NDRG1: variants seen among roughly 807,000 people sequenced by gnomAD.
NDRG1 encodes N-myc downstream regulated 1, also known as protein NDRG1.
A neutral mutation model predicts 56.9 loss-of-function variants in NDRG1; 32 were observed. The observed-to-expected ratio is 0.56, with a 90% CI of 0.42 to 0.76. The LOEUF is 0.76. Among genes scored for constraint, NDRG1 ranks in the 30% least tolerant of loss-of-function variants. The pLI, the probability that NDRG1 is intolerant of heterozygous loss-of-function variation, is 0.00. For synonymous variants in NDRG1, 211 were observed against 204.1 expected (o/e 1.03, Z -0.29); for missense variants, 507 against 545.7 (o/e 0.93, Z 0.71).
chr8:133,250,906 CTT>C (rs1855984388), intron 9 of NDRG1, among the ~76,000 whole-genome samples: 1 of 114,846 alleles, frequency 8.7e-6, no homozygotes, highest in Middle Eastern at 4.4e-3. Context: ...CCTCAGATCT[CTT>C]AAAAAAAAAA....
chr8:133,261,516 C>T (rs908884815), intron 5 of NDRG1, among the ~76,000 whole-genome samples: 1 of 152,214 alleles, frequency 6.6e-6, no homozygotes, highest in Non-Finnish European at 1.5e-5. Flanking sequence ...ACAGCAGCCA[C>T]ACAGAGCTAG....
At chr8:133,255,248 T>C in intron 8 of NDRG1, 1 of 456,108 alleles carries the variant, frequency 2.2e-6, no homozygotes, top group South Asian at 1.5e-5. Context: ...CCTAGCTGTG[T>C]GGCACTGGGC....
chr8:133,245,192 C>G (rs2130679916), intron 13 of NDRG1, among the ~76,000 whole-genome samples: 1 of 152,286 alleles, frequency 6.6e-6, no homozygotes, highest in East Asian at 1.9e-4. Context: ...GCGGGGCACT[C>G]AGCACATTAG....
intron 5 of NDRG1, chr8:133,259,506 T>A (rs886183628): frequency 2.0e-6 from 1 of 502,640 alleles, no homozygotes; most frequent in Non-Finnish European, 3.6e-6. Context: ...TTTCCCCTCA[T>A]AGCAAGATTA....
intron 1 of NDRG1, among the ~76,000 whole-genome samples, chr8:133,295,912 A>C (rs893422972): frequency 2.0e-5 from 3 of 152,006 alleles, no homozygotes; most frequent in African/African-American, 4.8e-5. Context: ...GCATAAGATA[A>C]CCAAGGGCCC....
At chr8:133,287,296 G>A (rs13258481) in intron 1 of NDRG1, among the ~76,000 whole-genome samples, 4,117 of 152,186 alleles carry the variant, frequency 0.027, 76 homozygotes, top group African/African-American at 0.04. Flanking sequence ...CAGCCCCCAC[G>A]CCACCAGGCT....
chr8:133,289,728 C>A (rs1407443857), intron 1 of NDRG1, among the ~76,000 whole-genome samples: 5 of 152,168 alleles, frequency 3.3e-5, no homozygotes, highest in African/African-American at 1.2e-4. Context: ...AGTAATCCGA[C>A]ACCACTTGAG....
At chr8:133,255,746 C>A in intron 8 of NDRG1, 1 of 173,070 alleles carries the variant, frequency 5.8e-6, no homozygotes, top group Admixed American at 5.8e-5. Context: ...CCCCTTCAAA[C>A]CATCGGTCCC....
chr8:133,284,402 C>A, intron 1 of NDRG1, 73 bp from the exon 2 acceptor site: 3 of 1,421,090 alleles, frequency 2.1e-6, no homozygotes, highest in Non-Finnish European at 3.0e-6. Context: ...AATCCAAGAC[C>A]AATGGCAAGA....
intron 3 of NDRG1, among the ~76,000 whole-genome samples, chr8:133,278,509 G>A (rs1169624529): frequency 6.6e-6 from 1 of 152,154 alleles, no homozygotes; most frequent in Non-Finnish European, 1.5e-5. Context: ...ATGGAGCTCT[G>A]GCCAGGGCAT....
At chr8:133,248,816 G>C (rs761395894) in intron 10 of NDRG1, 45 bp from the exon 11 acceptor site, 5 of 1,611,436 alleles carry the variant, frequency 3.1e-6, no homozygotes, top group Non-Finnish European at 4.2e-6. Context: ...CCCTCCCCTG[G>C]AGAAATCTCC....
At chr8:133,255,438 AG>A in intron 8 of NDRG1, 1 of 456,140 alleles carries the variant, frequency 2.2e-6, no homozygotes, top group Non-Finnish European at 4.4e-6. Context: ...CAGCTATTAA[AG>A]CTGTACTGAA....
intron 2 of NDRG1, among the ~76,000 whole-genome samples, chr8:133,282,957 T>C (rs1310445507): frequency 3.9e-5 from 6 of 152,236 alleles, no homozygotes; most frequent in Non-Finnish European, 8.8e-5. Context: ...CAGTTTGTTT[T>C]TATTTTTAAA....
At chr8:133,285,023 G>A (rs893499521) in intron 1 of NDRG1, 1 of 370,224 alleles carries the variant, frequency 2.7e-6, no homozygotes, top group Non-Finnish European at 5.4e-6. Flanking sequence ...CAAAGCAGGG[G>A]ATGGACCAGA....
At chr8:133,280,408 G>A in intron 2 of NDRG1, 141 bp from the exon 3 acceptor site, 1 of 746,596 alleles carries the variant, frequency 1.3e-6, no homozygotes, top group Non-Finnish European at 2.2e-6. Flanking sequence ...CCTCACAAAG[G>A]CAGGCTTTCC....
chr8:133,277,460 G>A (rs1857513227), intron 3 of NDRG1, among the ~76,000 whole-genome samples: 1 of 152,166 alleles, frequency 6.6e-6, no homozygotes, highest in Non-Finnish European at 1.5e-5. Context: ...CCACTCAGGA[G>A]GCTGGGGCAT....
rs1855947989 is a variant in NDRG1 at position 133,250,427 on chromosome 8, T to C, written c.698+13A>G. 2.5e-6 allele frequency: 4 copies of C among 1,608,190 alleles called. No homozygotes were observed. The highest frequency in any genetic ancestry group is 3.4e-6 in the Non-Finnish European group (4 of 1,174,610). ...ATAAATAGCAATGATGTGGCTGAAC[T>C]ACATCCCAATACCTGTTGTAGGCAT... On this transcript the variant is annotated intron_variant, in intron 10 of 15. Transcript: ENST00000323851.
intron 1 of NDRG1, among the ~76,000 whole-genome samples, chr8:133,288,066 T>C (rs1222547386): frequency 6.6e-6 from 1 of 152,118 alleles, no homozygotes; most frequent in East Asian, 1.9e-4. Flanking sequence ...CACACATACA[T>C]ACATTCTCAC....
chr8:133,248,798 A>G, intron 10 of NDRG1, 27 bp from the exon 11 acceptor site: 1 of 1,613,902 alleles, frequency 6.2e-7, no homozygotes, highest in Non-Finnish European at 8.5e-7. Context: ...CATCATTAGC[A>G]TGAGGACCCC....
Sources: gnomAD v4.1 joint callset for allele counts (sites outside exome capture counted in the v4.1 genomes callset) on GRCh38, gnomAD v4.1.1 for gene constraint, MANE v1.5 for transcripts, NCBI Gene and HGNC (gene_info 2026-07-23, HGNC 2026-07-21) for gene names.